The following FBXO31 variants were observed in gnomAD, a reference collection of about 807,000 sequenced individuals.
FBXO31 encodes the protein F-box only protein 31.
FBXO31 carries 24 observed loss-of-function variants against 54.4 expected under a neutral mutation model. That is an observed-to-expected ratio of 0.44 (90% CI 0.32 to 0.62). The LOEUF is 0.62. Ranked by LOEUF, FBXO31 falls within the 20% of genes least tolerant of loss-of-function variation. FBXO31 has a pLI of 0.05. For synonymous variants in FBXO31, 388 were observed against 335.6 expected (o/e 1.16, Z -1.71); for missense variants, 665 against 787.1 (o/e 0.84, Z 1.86).
chr16:87,382,752 C>A (rs1252739193), intron 1 of FBXO31, among the ~76,000 whole-genome samples: 1 of 152,186 alleles, frequency 6.6e-6, no homozygotes, highest in Non-Finnish European at 1.5e-5. Flanking sequence ...TCTGCCTCAC[C>A]CTCCCGAGTA....
chr16:87,328,714 A>T lies in FBXO31; in HGVS notation c.*2574T>A, dbSNP rs897876989. 1.3e-5 allele frequency: 2 copies of T among 152,286 alleles called. No homozygotes were observed. Among genetic ancestry groups the T allele is most frequent in the Non-Finnish European group, 2.9e-5 (2 of 68,070 alleles). 9.4% of individuals were successfully genotyped at this position (152,286 alleles called of 1,614,324 possible). ...AGGTGTGCAGAGCTGCACTGCAGGC[A>T]GCCCCACTCCAGAGAGCAGACTTGA... On this transcript the variant is annotated 3_prime_UTR_variant, in exon 9 of 9. Coordinates refer to ENST00000311635, the MANE Select transcript of FBXO31 (RefSeq NM_024735.5).
Position 87,336,233 on chromosome 16 carries a change from C to T in FBXO31, c.764G>A (p.Gly255Glu). 6.2e-7 allele frequency: 1 copy of T among 1,614,178 alleles called. No homozygotes were observed. The highest frequency in any genetic ancestry group is 8.5e-7 in the Non-Finnish European group (1 of 1,180,042). Residue 255 changes from glycine to glutamate, a missense_variant, in exon 6 of 9, where the codon GGG becomes GAG. This residue lies in a region of FBXO31 where 234 missense variants were observed against 346.8 expected (regional missense o/e 0.67). Coordinates refer to ENST00000311635, the MANE Select transcript of FBXO31 (RefSeq NM_024735.5). The surrounding 1 kb of genome is among the most constrained non-coding windows in gnomAD (Gnocchi z 6.5). ...GTGGAAGATGTCCTCCAGCGTGCGC[C>T]CCCATTCCTCCCTCAGCCACGTCCG... ...EFRTWLREEWGRTLEDIFHEH... is the reference protein window; with the variant it reads ...EFRTWLREEWERTLEDIFHEH...
At chr16:87,340,838 C>T (rs1252798598) in intron 5 of FBXO31, among the ~76,000 whole-genome samples, 1 of 152,034 alleles carries the variant, frequency 6.6e-6, no homozygotes, top group Non-Finnish European at 1.5e-5. Context: ...ATGGAAAACA[C>T]ACCATAAGAG....
intron 8 of FBXO31, among the ~76,000 whole-genome samples, chr16:87,333,059 A>T (rs545486166): frequency 1.4e-4 from 21 of 152,334 alleles, no homozygotes; most frequent in African/African-American, 4.1e-4. Flanking sequence ...ATTCAGTTTC[A>T]GTTCATTTGA....
chr16:87,357,063 T>C (rs914168382), intron 2 of FBXO31, among the ~76,000 whole-genome samples: 5 of 151,928 alleles, frequency 3.3e-5, no homozygotes, highest in Admixed American at 6.6e-5. Context: ...CTGGGCAACA[T>C]AGTGAGACCC....
intron 2 of FBXO31, among the ~76,000 whole-genome samples, chr16:87,359,936 C>T (rs1906061839): frequency 6.6e-6 from 1 of 152,198 alleles, no homozygotes; most frequent in African/African-American, 2.4e-5. Context: ...ACCACAGCTT[C>T]ATTTCCCAAT....
At chr16:87,378,686 G>A (rs1906936734) in intron 1 of FBXO31, among the ~76,000 whole-genome samples, 1 of 152,220 alleles carries the variant, frequency 6.6e-6, no homozygotes, top group Non-Finnish European at 1.5e-5. Context: ...TCCTGGCTGG[G>A]CGCGGTGGCT....
chr16:87,340,446 T>C (rs1301974122), intron 5 of FBXO31, among the ~76,000 whole-genome samples: 1 of 152,192 alleles, frequency 6.6e-6, no homozygotes, highest in Non-Finnish European at 1.5e-5. Flanking sequence ...TTATCACGCA[T>C]CCAGTGTGGA....
rs1015351400 is a variant in FBXO31, at chr16:87,343,912, G to A, written c.490-147C>T. 2.1e-5 allele frequency: 16 copies of A among 760,318 alleles called. No homozygotes were observed. The Admixed American group carries it at 2.4e-4, about 12-fold the overall frequency. 47.1% of individuals were successfully genotyped at this position (760,318 alleles called of 1,614,324 possible). A position where few individuals can be genotyped will look rare whatever the true frequency, so the allele number is the denominator to read the frequency against. ...TGCACGCCCACCCTCGAGGTGCCTC[G>A]AATCCCAGCACTATCTTCCAGCTCT... On this transcript the variant is annotated intron_variant, in intron 3 of 8. Transcript: ENST00000311635.
At chr16:87,339,771 A>G (rs1289027008) in intron 5 of FBXO31, among the ~76,000 whole-genome samples, 1 of 152,272 alleles carries the variant, frequency 6.6e-6, no homozygotes, top group Non-Finnish European at 1.5e-5. Context: ...AGCTGCTTCT[A>G]GAGTTCACAC....
In FBXO31 at chr16:87,329,335, A is replaced by C. The variant is rs904107805; in HGVS notation, c.*1953T>G. ...TCTATACCCAAACACTGGAAGCGTA[A>C]TTGAGATCTGAGATTCCTTTAATCA... On this transcript the variant is annotated 3_prime_UTR_variant, in exon 9 of 9. Coordinates refer to ENST00000311635, the MANE Select transcript of FBXO31 (RefSeq NM_024735.5). The C allele has an allele frequency of 1.3e-5, 2 of 152,326 alleles. No individual in the cohort carries two copies. Among genetic ancestry groups the C allele is most frequent in the Non-Finnish European group, 2.9e-5 (2 of 68,092 alleles). The allele number at this position is 152,326 out of a possible 1,614,324, so 9.4% of individuals were successfully genotyped here.
chr16:87,378,943 C>A (rs1164273187), intron 1 of FBXO31, among the ~76,000 whole-genome samples: 2 of 130,162 alleles, frequency 1.5e-5, no homozygotes, highest in Admixed American at 8.5e-5. Flanking sequence ...GCCAGGGCGA[C>A]AAAGCAAGAC....
At chr16:87,375,707 A>C (rs1276646742) in intron 1 of FBXO31, among the ~76,000 whole-genome samples, 2 of 152,120 alleles carry the variant, frequency 1.3e-5, no homozygotes, top group Non-Finnish European at 2.9e-5. Context: ...ACATCAAAGA[A>C]GGGTCCCACA....
At chr16:87,388,937 C>T (rs760494544) in intron 1 of FBXO31, among the ~76,000 whole-genome samples, 3 of 152,170 alleles carry the variant, frequency 2.0e-5, no homozygotes, top group Admixed American at 6.5e-5. Context: ...GTTTATATTA[C>T]ACTATGCTTA....
At chr16:87,366,832 G>A (rs989220262) in intron 1 of FBXO31, among the ~76,000 whole-genome samples, 18 of 152,130 alleles carry the variant, frequency 1.2e-4, no homozygotes, top group African/African-American at 4.3e-4. Flanking sequence ...CACATCTAGG[G>A]GTAGATGGAG....
intron 2 of FBXO31, among the ~76,000 whole-genome samples, chr16:87,354,187 C>T (rs976162565): frequency 1.3e-5 from 2 of 152,220 alleles, no homozygotes; most frequent in African/African-American, 4.8e-5. Flanking sequence ...AAGTACAGAA[C>T]ATTGTCCAGG....
chr16:87,342,765 C>A (rs774184183), intron 5 of FBXO31, 112 bp downstream of exon 5: 1 of 829,038 alleles, frequency 1.2e-6, no homozygotes, highest in Non-Finnish European at 1.9e-6. Flanking sequence ...TGTGAAACAG[C>A]CACCATGCAG....
intron 2 of FBXO31, among the ~76,000 whole-genome samples, chr16:87,351,818 A>G (rs1597368004): frequency 6.6e-6 from 1 of 152,270 alleles, no homozygotes; most frequent in African/African-American, 2.4e-5. Context: ...GAAGTGAGCC[A>G]AGATCATGCC....
Position 87,383,492 on chromosome 16 carries a change from T to C in FBXO31, c.253A>G (p.Thr85Ala), listed in dbSNP as rs1338175137. ...ACCTGGGCCAAGCTGGGTAGGTCCG[T>C]GCCCGGCAGCGACGCGAAGATCTCC... ...LVEIFASLPG[T>A]DLPSLAQVCT... Residue 85 changes from threonine (T) to alanine (A), a missense_variant, in exon 1 of 9, where the codon ACG becomes GCG. By Grantham distance (58) the Thr-to-Ala change is moderately conservative. This residue lies in a region of FBXO31 where 195 missense variants were observed against 174.8 expected (regional missense o/e 1.12). Transcript: ENST00000311635. This position sits in a 1 kb window ranked among gnomAD's most constrained non-coding sequence, Gnocchi z 4.9. 1 of 1,587,722 alleles carries C rather than the reference T, an allele frequency of 6.3e-7. No individual in the cohort carries two copies. Among genetic ancestry groups the C allele is most frequent in the South Asian group, 1.1e-5 (1 of 87,630 alleles).
Sources: gnomAD v4.1 joint callset for allele counts (sites outside exome capture counted in the v4.1 genomes callset) on GRCh38, gnomAD v4.1.1 for gene constraint, gnomAD v4.1.1 regional missense constraint, Gnocchi (gnomAD v3.1) non-coding constraint, MANE v1.5 for transcripts, NCBI Gene and HGNC (gene_info 2026-07-23, HGNC 2026-07-21) for gene names.